The following CDC14A variants were observed in gnomAD, a reference collection of about 807,000 sequenced individuals.
The protein encoded by CDC14A is cell division cycle 14A.
In CDC14A, 53 loss-of-function variants were observed where a neutral mutation model predicts 74.4. The observed-to-expected ratio is 0.71, with a 90% confidence interval of 0.57 to 0.89. The LOEUF is 0.89. Among genes scored for constraint, CDC14A ranks in the 40% least tolerant of loss-of-function variants. The pLI, the probability that CDC14A is intolerant of heterozygous loss-of-function variation, is 0.00. For missense variants in CDC14A, 646 were observed against 713.7 expected (o/e 0.91, Z 1.08); for synonymous variants, 247 against 258.4 (o/e 0.96, Z 0.43).
chr1:100,496,841 A>G (rs1647911557), intron 13 of CDC14A, among the ~76,000 whole-genome samples: 1 of 152,246 alleles, frequency 6.6e-6, no homozygotes, highest in African/African-American at 2.4e-5. Flanking sequence ...TTTCTCTAGC[A>G]GAGAGGAAAA....
intron 7 of CDC14A, among the ~76,000 whole-genome samples, chr1:100,444,367 TG>T (rs2101137726): frequency 6.6e-6 from 1 of 152,244 alleles, no homozygotes; most frequent in East Asian, 1.9e-4. Context: ...CACACCTGAG[TG>T]ATCCTAAAAT....
chr1:100,510,540 C>G (rs1306699660), intron 15 of CDC14A, among the ~76,000 whole-genome samples: 5 of 152,182 alleles, frequency 3.3e-5, no homozygotes, highest in African/African-American at 9.7e-5. Context: ...CTTTCTGACC[C>G]TGCCTGTTTC....
chr1:100,362,883 G>A (rs2100901820), intron 2 of CDC14A, among the ~76,000 whole-genome samples: 1 of 152,332 alleles, frequency 6.6e-6, no homozygotes, highest in Non-Finnish European at 1.5e-5. Context: ...AGTGGGTTAA[G>A]GAGCAGAGAC....
chr1:100,404,412 TCCCAAA>T (rs1393552593), intron 4 of CDC14A, among the ~76,000 whole-genome samples: 2 of 152,212 alleles, frequency 1.3e-5, no homozygotes, highest in African/African-American at 4.8e-5. Context: ...GTGCCTATCT[TCCCAAA>T]CCCCCGTAAC....
intron 3 of CDC14A, among the ~76,000 whole-genome samples, chr1:100,388,929 CT>C (rs1657253071): frequency 6.6e-6 from 1 of 151,598 alleles, no homozygotes; most frequent in Non-Finnish European, 1.5e-5. Flanking sequence ...AATCTCAGCA[CT>C]TTGGGAGGCC....
chr1:100,511,816 C>G (rs11802346), intron 15 of CDC14A, among the ~76,000 whole-genome samples: 1 of 152,188 alleles, frequency 6.6e-6, no homozygotes, highest in Non-Finnish European at 1.5e-5. Context: ...CTGTCTCTTA[C>G]CTTTAATCTT....
chr1:100,497,790 T>A (rs1648083810), intron 13 of CDC14A, among the ~76,000 whole-genome samples: 1 of 152,208 alleles, frequency 6.6e-6, no homozygotes, highest in Admixed American at 6.5e-5. Context: ...ACTGAGTGAC[T>A]GGATGAGGAA....
intron 3 of CDC14A, among the ~76,000 whole-genome samples, chr1:100,381,517 C>T (rs1656093834): frequency 6.6e-6 from 1 of 151,998 alleles, no homozygotes; most frequent in South Asian, 2.1e-4. Context: ...ATTTTTCTTC[C>T]TCATTCTGTG....
chr1:100,456,357 A>G (rs1374786658), intron 8 of CDC14A, among the ~76,000 whole-genome samples: 1 of 152,264 alleles, frequency 6.6e-6, no homozygotes, highest in Admixed American at 6.5e-5. Flanking sequence ...AAGTAATGAT[A>G]GACAACAGAG....
chr1:100,472,459 A>G (rs1192071345), intron 10 of CDC14A, among the ~76,000 whole-genome samples: 9 of 152,134 alleles, frequency 5.9e-5, no homozygotes, highest in Non-Finnish European at 2.9e-5. Flanking sequence ...ACTAAGGTCA[A>G]TCTTTGTATA....
At chr1:100,373,883 C>T (rs1338165262) in intron 2 of CDC14A, among the ~76,000 whole-genome samples, 1 of 151,892 alleles carries the variant, frequency 6.6e-6, no homozygotes, top group African/African-American at 2.4e-5. Context: ...ATACATGTGC[C>T]ATGCTGGTGT....
intron 8 of CDC14A, among the ~76,000 whole-genome samples, chr1:100,457,168 C>G (rs746944911): frequency 4.0e-4 from 61 of 152,262 alleles, no homozygotes; most frequent in Non-Finnish European, 6.8e-4. Context: ...ATGTGTTTGA[C>G]TACGTTTTCT....
chr1:100,501,249 A>G (rs1459729487), intron 15 of CDC14A, among the ~76,000 whole-genome samples: 1 of 152,306 alleles, frequency 6.6e-6, no homozygotes, highest in South Asian at 2.1e-4. Flanking sequence ...TTCAGTCAGC[A>G]TTTTCACATA....
chr1:100,452,008 T>G (rs779268742), intron 7 of CDC14A, among the ~76,000 whole-genome samples: 1 of 152,236 alleles, frequency 6.6e-6, no homozygotes, highest in Non-Finnish European at 1.5e-5. Flanking sequence ...GAATGTTGAA[T>G]TGCGCTTCAA....
intron 5 of CDC14A, 98 bp downstream of exon 5, chr1:100,424,399 C>A: frequency 1.2e-6 from 1 of 825,444 alleles, no homozygotes; most frequent in Non-Finnish European, 2.1e-6. Context: ...AGATAATAAC[C>A]ATTATGTTAT....
intron 6 of CDC14A, among the ~76,000 whole-genome samples, chr1:100,442,591 G>C (rs894153470): frequency 2.0e-5 from 3 of 151,556 alleles, no homozygotes; most frequent in Non-Finnish European, 4.4e-5. Context: ...GATCTATTCT[G>C]TCATAGTTAG....
At chr1:100,491,572 ATTTTTTTTT>A (rs59429516) in intron 11 of CDC14A, among the ~76,000 whole-genome samples, 1 of 25,106 alleles carries the variant, frequency 4.0e-5, no homozygotes, top group African/African-American at 1.6e-4. Flanking sequence ...ATATATATAT[ATTTTTTTTT>A]TTTTTTTTTT....
rs778233047 is a variant in CDC14A at position 100,498,968 on chromosome 1, C to T, written c.1461C>T (p.Asn487=). The change falls in exon 15 of 16, where the codon AAC becomes AAT. Residue 487 remains asparagine (N), a synonymous_variant. Transcript: ENST00000336454. ...CCCGGCTAGCCAGTTCTCTAGGGAA[C>T]TTGAATGCTGCAACAGATGATCCAG... ...INSRLASSLG[N]LNAATDDPEN... 1.9e-5 allele frequency: 31 copies of T among 1,614,078 alleles called. No homozygotes were observed. The highest frequency in any genetic ancestry group is 2.6e-5 in the Non-Finnish European group (31 of 1,179,974).
chr1:100,362,964 G>A (rs1396352219), intron 2 of CDC14A, among the ~76,000 whole-genome samples: 1 of 152,228 alleles, frequency 6.6e-6, no homozygotes, highest in East Asian at 1.9e-4. Context: ...GAGTCCAAAG[G>A]GAAAAGCGGG....
Sources: gnomAD v4.1 joint callset for allele counts (sites outside exome capture counted in the v4.1 genomes callset) on GRCh38, gnomAD v4.1.1 for gene constraint, MANE v1.5 for transcripts, NCBI Gene and HGNC (gene_info 2026-07-23, HGNC 2026-07-21) for gene names.